STRADB: variants seen among roughly 807,000 people sequenced by gnomAD.
The protein encoded by STRADB is STE20-related kinase adapter protein beta.
Under a neutral mutation model 52.1 loss-of-function variants are expected in STRADB, and 34 were observed. That is an observed-to-expected ratio of 0.65 (90% CI 0.50 to 0.87). The LOEUF is 0.87. STRADB is among the 40% of genes least tolerant of loss of function. The pLI, the probability that STRADB is intolerant of heterozygous loss-of-function variation, is 0.00. For missense variants in STRADB, 340 were observed against 483.9 expected, an observed-to-expected ratio of 0.70 and a Z score of 2.79; for synonymous variants, 133 against 174.5, an observed-to-expected ratio of 0.76 and a Z score of 1.87.
chr2:201,480,413 T>C lies in STRADB; in HGVS notation c.*238T>C. The C allele has an allele frequency of 5.6e-6, 7 of 1,244,914 alleles. No individual in the cohort carries two copies. In the South Asian group the frequency reaches 2.0e-4, roughly 36 times the overall value. 77.1% of individuals were successfully genotyped at this position (1,244,914 alleles called of 1,614,324 possible). ...CTAATCTAGCTAGTGTCATTTATTC[T>C]GGAATTTTTTTCTAAGCTGTGACTA... On this transcript the variant is annotated 3_prime_UTR_variant, in exon 12 of 12. Transcript: ENST00000194530.
intron 6 of STRADB, 95 bp from the exon 7 acceptor site, chr2:201,475,524 T>A: frequency 6.9e-7 from 1 of 1,444,524 alleles, no homozygotes; most frequent in East Asian, 2.3e-5. Flanking sequence ...AAGTAACAGG[T>A]ATGTTTGTGT....
At chr2:201,464,812 G>A (rs1434405257) in intron 3 of STRADB, among the ~76,000 whole-genome samples, 1 of 152,240 alleles carries the variant, frequency 6.6e-6, no homozygotes. Context: ...ACAGGACAAA[G>A]TCCTTCCCAT....
intron 2 of STRADB, among the ~76,000 whole-genome samples, chr2:201,455,436 A>G (rs202096988): frequency 6.1e-5 from 2 of 32,608 alleles, no homozygotes; most frequent in Admixed American, 6.2e-4. Flanking sequence ...TGAGTAGACC[A>G]CGTGTAGTGG....
intron 1 of STRADB, among the ~76,000 whole-genome samples, chr2:201,453,583 T>C (rs1240423450): frequency 1.3e-5 from 2 of 152,174 alleles, no homozygotes; most frequent in Middle Eastern, 3.2e-3. Flanking sequence ...TTTTACTGGG[T>C]CAAAAAGTAT....
At chr2:201,465,137 G>T (rs1207911165) in intron 3 of STRADB, among the ~76,000 whole-genome samples, 2 of 151,444 alleles carry the variant, frequency 1.3e-5, no homozygotes, top group Non-Finnish European at 2.9e-5. Flanking sequence ...CCCCTTTACT[G>T]TCCCCTCTCC....
intron 1 of STRADB, among the ~76,000 whole-genome samples, chr2:201,452,338 C>T (rs1952058307): frequency 6.6e-6 from 1 of 152,228 alleles, no homozygotes; most frequent in Admixed American, 6.5e-5. Context: ...CTCTATCTGC[C>T]GCCTTCTGCA....
intron 8 of STRADB, 81 bp downstream of exon 8, chr2:201,477,871 T>C: frequency 6.5e-7 from 1 of 1,527,996 alleles, no homozygotes; most frequent in South Asian, 1.2e-5. Context: ...TGTCTTTATA[T>C]TTGGATTGGT....
At chr2:201,468,885 C>T (rs1039552877) in intron 3 of STRADB, among the ~76,000 whole-genome samples, 2 of 152,144 alleles carry the variant, frequency 1.3e-5, no homozygotes, top group African/African-American at 4.8e-5. Flanking sequence ...TGAATTGCTT[C>T]CATCAGATTG....
chr2:201,476,955 C>A (rs1952482102), intron 7 of STRADB, among the ~76,000 whole-genome samples: 1 of 130,628 alleles, frequency 7.7e-6, no homozygotes, highest in East Asian at 2.2e-4. Context: ...GCACTCCAGC[C>A]TGGGCCACAG....
In STRADB at chr2:201,477,686, C is replaced by T; in HGVS notation, c.616C>T (p.Leu206=). The change falls in exon 8 of 12, where the codon CTG becomes TTG. Residue 206 remains leucine, a synonymous_variant. Coordinates refer to ENST00000194530, the MANE Select transcript of STRADB (RefSeq NM_018571.6). The stretch of plus-strand genomic sequence containing the variant: ...AGTGACCCTCTCTGGCCTGTCCCAT[C>T]TGCATAGTTTGGTTAAGCATGGACA... The part of the protein sequence containing the change: ...GLVTLSGLSH[L]HSLVKHGQRH... The T allele has an allele frequency of 6.2e-7, 1 of 1,613,336 alleles. No homozygotes were observed. The highest frequency in any genetic ancestry group is 8.5e-7 in the Non-Finnish European group (1 of 1,179,336).
Position 201,473,710 on chromosome 2 carries a change from A to G in STRADB, c.315+634A>G, listed in dbSNP as rs186283651. ...AGTCAGTCCCATCCTAAATAGTCAC[A>G]TAGGGAAATGGAAGAAATCAAAAAC... On this transcript the variant is annotated intron_variant, in intron 5 of 11. Coordinates refer to ENST00000194530, the MANE Select transcript of STRADB (RefSeq NM_018571.6). 8.5e-5 allele frequency among the ~76,000 whole-genome samples: 13 copies of G among 152,276 alleles called. No individual in the cohort carries two copies. The East Asian group carries it at 2.5e-3, about 29-fold the overall frequency.
At chr2:201,462,923 T>G (rs1043629169) in intron 3 of STRADB, among the ~76,000 whole-genome samples, 1 of 152,252 alleles carries the variant, frequency 6.6e-6, no homozygotes, top group African/African-American at 2.4e-5. Flanking sequence ...TTCTTTGAGA[T>G]TGAAAAACTC....
intron 7 of STRADB, among the ~76,000 whole-genome samples, chr2:201,476,701 A>T (rs955182938): frequency 1.4e-4 from 21 of 151,630 alleles, no homozygotes; most frequent in African/African-American, 5.1e-4. Flanking sequence ...TTGGCCAGGC[A>T]TGGTGGCTCA....
intron 1 of STRADB, 129 bp from the exon 2 acceptor site, chr2:201,454,617 G>A (rs1032994803): frequency 2.7e-5 from 11 of 403,752 alleles, no homozygotes; most frequent in Non-Finnish European, 4.0e-5. Flanking sequence ...GTCTCCTTGT[G>A]TCAAGGAGTA....
chr2:201,460,582 A>AT (rs1952198387), intron 3 of STRADB, among the ~76,000 whole-genome samples: 1 of 152,006 alleles, frequency 6.6e-6, no homozygotes, highest in South Asian at 2.1e-4. Context: ...AATTGTTTTA[A>AT]TTTTTAGCTC....
At chr2:201,469,922 ATTTTGT>A (rs768552779) in intron 3 of STRADB, 25 bp from the exon 4 acceptor site, 3 of 1,537,512 alleles carry the variant, frequency 2.0e-6, no homozygotes, top group Non-Finnish European at 1.8e-6. Context: ...AAGTTCATCT[ATTTTGT>A]TTTTATCTTT....
At chr2:201,467,675 C>A (rs2125677721) in intron 3 of STRADB, among the ~76,000 whole-genome samples, 1 of 152,324 alleles carries the variant, frequency 6.6e-6, no homozygotes, top group African/African-American at 2.4e-5. Context: ...CCAACTCCTT[C>A]ATTGTTGCTG....
Position 201,480,267 on chromosome 2 carries a change from C to T in STRADB, c.*92C>T. ...TCTAGGTACAAATACCAGAATTATACTTGAAAATACAGTTGGTGCACTGGA... is the reference window on the plus strand; with the variant it reads ...TCTAGGTACAAATACCAGAATTATATTTGAAAATACAGTTGGTGCACTGGA... On this transcript the variant is annotated 3_prime_UTR_variant, in exon 12 of 12. Transcript: ENST00000194530. The T allele has an allele frequency of 6.4e-7, 1 of 1,561,432 alleles. No individual in the cohort carries two copies. Among genetic ancestry groups the T allele is most frequent in the South Asian group, 1.2e-5 (1 of 81,180 alleles).
chr2:201,478,821 C>A (rs1458742211), intron 10 of STRADB, among the ~76,000 whole-genome samples: 1 of 151,962 alleles, frequency 6.6e-6, no homozygotes, highest in Non-Finnish European at 1.5e-5. Context: ...CACCTGTAAT[C>A]CCAGAACTTT....
Sources: gnomAD v4.1 joint callset for allele counts (sites outside exome capture counted in the v4.1 genomes callset) on GRCh38, gnomAD v4.1.1 for gene constraint, MANE v1.5 for transcripts, NCBI Gene and HGNC (gene_info 2026-07-23, HGNC 2026-07-21) for gene names.